Variants in C1QTNF3 observed in about 807,000 individuals in gnomAD.
The protein encoded by C1QTNF3 is complement C1q tumor necrosis factor-related protein 3.
In C1QTNF3, 26 loss-of-function variants were observed where a neutral mutation model predicts 32.6. The ratio of observed to expected loss-of-function variants is 0.80; its 90% CI spans 0.58 to 1.11. The LOEUF is 1.11. Ranked by LOEUF, C1QTNF3 falls within the 50% of genes least tolerant of loss-of-function variation. The pLI is 0.00. For missense variants in C1QTNF3, 362 were observed against 398.2 expected (o/e 0.91, Z 0.77); for synonymous variants, 155 against 146.0 (o/e 1.06, Z -0.44).
chr5:34,241,956 GGAAGGAAGGAAGGAA>G, the C1QTNF3 span, among the ~76,000 whole-genome samples: 16 of 100,684 alleles, frequency 1.6e-4, no homozygotes, highest in East Asian at 4.9e-4. Flanking sequence ...AGGGAGGGAA[GGAAGGAAGGAAGGAA>G]GGAAGGAAGG....
the C1QTNF3 span, among the ~76,000 whole-genome samples, chr5:34,206,940 C>G: frequency 2.0e-5 from 3 of 151,822 alleles, no homozygotes; most frequent in Non-Finnish European, 2.9e-5. Context: ...TGAGAGCAAA[C>G]CCTGACAGGG....
At chr5:34,068,227 T>C in the C1QTNF3 span, among the ~76,000 whole-genome samples, 2 of 152,168 alleles carry the variant, frequency 1.3e-5, no homozygotes, top group Admixed American at 6.6e-5. Flanking sequence ...GCCAACAAAA[T>C]TGAATTCCTA....
the C1QTNF3 span, among the ~76,000 whole-genome samples, chr5:34,159,086 CTT>C: frequency 2.6e-5 from 4 of 151,988 alleles, no homozygotes; most frequent in African/African-American, 9.7e-5. Flanking sequence ...TTCTGTATCT[CTT>C]TAGAATTTTT....
chr5:34,136,490 T>C, the C1QTNF3 span, among the ~76,000 whole-genome samples: 1 of 152,260 alleles, frequency 6.6e-6, no homozygotes, highest in East Asian at 1.9e-4. Context: ...CATTAATAAG[T>C]CAGGAAACAA....
chr5:34,035,363 C>G (rs944506206), intron 2 of C1QTNF3, among the ~76,000 whole-genome samples: 12 of 152,212 alleles, frequency 7.9e-5, no homozygotes, highest in African/African-American at 2.7e-4. Flanking sequence ...CAGTGACTGG[C>G]ATTGAGATGG....
chr5:34,027,947 G>T (rs1486337639), intron 4 of C1QTNF3, among the ~76,000 whole-genome samples: 1 of 151,684 alleles, frequency 6.6e-6, no homozygotes, highest in East Asian at 1.9e-4. Context: ...AATATGAGAA[G>T]ATATATTTGT....
chr5:34,173,304 TATTATA>T, the C1QTNF3 span, among the ~76,000 whole-genome samples: 1 of 152,044 alleles, frequency 6.6e-6, no homozygotes, highest in East Asian at 1.9e-4. Context: ...TTAGTTAAAA[TATTATA>T]ATTATGCCAA....
chr5:34,239,100 G>A, the C1QTNF3 span, among the ~76,000 whole-genome samples: 1 of 152,136 alleles, frequency 6.6e-6, no homozygotes, highest in African/African-American at 2.4e-5. Context: ...TACTGAGGGA[G>A]TCAATTTCAA....
At chr5:34,147,244 GT>G in the C1QTNF3 span, among the ~76,000 whole-genome samples, 4 of 152,262 alleles carry the variant, frequency 2.6e-5, no homozygotes, top group African/African-American at 9.6e-5. Context: ...GTGGAAAGTA[GT>G]TTGGAGATTT....
the C1QTNF3 span, among the ~76,000 whole-genome samples, chr5:34,090,318 A>C: frequency 6.8e-6 from 1 of 146,722 alleles, no homozygotes. Flanking sequence ...CATACACTTT[A>C]TATCTCTTTA....
At chr5:34,023,819 A>C in intron 5 of C1QTNF3, 90 bp downstream of exon 5, 1 of 942,142 alleles carries the variant, frequency 1.1e-6, no homozygotes, top group Non-Finnish European at 1.7e-6. Flanking sequence ...GTCAGGCTCT[A>C]TTGACTCCTA....
At chr5:34,065,753 G>A in the C1QTNF3 span, among the ~76,000 whole-genome samples, 1 of 152,146 alleles carries the variant, frequency 6.6e-6, no homozygotes, top group African/African-American at 2.4e-5. Flanking sequence ...AATGCAAATA[G>A]TTCACACACT....
the C1QTNF3 span, among the ~76,000 whole-genome samples, chr5:34,209,511 T>C: frequency 5.3e-5 from 8 of 151,140 alleles, no homozygotes; most frequent in African/African-American, 2.0e-4. Flanking sequence ...GAATTTTAAA[T>C]TTATACATTA....
chr5:34,056,440 GTGTGTGTGTGTGTGTA>G, the C1QTNF3 span, among the ~76,000 whole-genome samples: 2 of 44,588 alleles, frequency 4.5e-5, no homozygotes, highest in Admixed American at 3.3e-4. Context: ...GTGTGTGTGT[GTGTGTGTGTGTGTGTA>G]TATATATATA....
At chr5:34,237,488 C>G in the C1QTNF3 span, among the ~76,000 whole-genome samples, 2 of 152,254 alleles carry the variant, frequency 1.3e-5, no homozygotes, top group Non-Finnish European at 2.9e-5. Context: ...TGGGATCACA[C>G]TGCATAAGAT....
At chr5:34,129,754 G>A in the C1QTNF3 span, among the ~76,000 whole-genome samples, 1 of 151,748 alleles carries the variant, frequency 6.6e-6, no homozygotes. Context: ...AAAGGTTATA[G>A]TGGGCCTATT....
the C1QTNF3 span, among the ~76,000 whole-genome samples, chr5:34,114,114 T>A: frequency 6.6e-6 from 1 of 152,212 alleles, no homozygotes; most frequent in African/African-American, 2.4e-5. Context: ...TTCTCAATCA[T>A]CTTTAAATGG....
At chr5:34,095,764 A>C in the C1QTNF3 span, among the ~76,000 whole-genome samples, 2 of 152,082 alleles carry the variant, frequency 1.3e-5, no homozygotes, top group Non-Finnish European at 2.9e-5. Context: ...AGAATAATTC[A>C]AGTTACCTCT....
the C1QTNF3 span, among the ~76,000 whole-genome samples, chr5:34,174,810 G>C: frequency 6.6e-6 from 1 of 152,036 alleles, no homozygotes; most frequent in African/African-American, 2.4e-5. Context: ...CACAATCTCG[G>C]CTCACTGCAA....
Sources: allele counts gnomAD v4.1 joint callset (sites outside exome capture counted in the v4.1 genomes callset), GRCh38; gene constraint gnomAD v4.1.1; transcripts MANE v1.5; gene names NCBI Gene and HGNC (gene_info 2026-07-23, HGNC 2026-07-21).